APP: variants seen among roughly 807,000 people sequenced by gnomAD.
APP encodes the protein amyloid beta precursor protein.
A neutral mutation model predicts 101.4 loss-of-function variants in APP; 31 were observed. The ratio of observed to expected loss-of-function variants is 0.31; its 90% CI spans 0.23 to 0.41. The LOEUF (loss-of-function observed/expected upper bound fraction) is 0.41, where lower values mean the gene tolerates loss of function less well. Among genes scored for constraint, APP ranks in the 10% least tolerant of loss-of-function variants. The pLI is 1.00. For missense variants in APP, 839 were observed against 1,003.7 expected, an observed-to-expected ratio of 0.84 and a Z score of 2.22; for synonymous variants, 366 against 364.4, an observed-to-expected ratio of 1.00 and a Z score of -0.05.
intron 6 of APP, among the ~76,000 whole-genome samples, chr21:26,010,385 C>T (rs2043738617): frequency 6.6e-6 from 1 of 152,110 alleles, no homozygotes; most frequent in Admixed American, 6.5e-5. Context: ...TTGCTTTTAC[C>T]TTACTAAATG....
At chr21:26,161,476 G>C (rs2063490920) in intron 1 of APP, among the ~76,000 whole-genome samples, 1 of 151,952 alleles carries the variant, frequency 6.6e-6, no homozygotes, top group Non-Finnish European at 1.5e-5. Context: ...ACCCTCTTGG[G>C]GGCAAGGACC....
At chr21:25,982,633 C>T (rs900188238) in intron 8 of APP, among the ~76,000 whole-genome samples, 156 bp from the exon 9 acceptor site, 1 of 152,134 alleles carries the variant, frequency 6.6e-6, no homozygotes, top group Non-Finnish European at 1.5e-5. Flanking sequence ...TAAGAGAACA[C>T]CATGAGACAC....
intron 13 of APP, among the ~76,000 whole-genome samples, chr21:25,948,124 A>G (rs749634143): frequency 3.2e-4 from 49 of 151,404 alleles, no homozygotes; most frequent in Non-Finnish European, 6.5e-4. Context: ...CTATGTTCTT[A>G]TAAGAACAAA....
intron 3 of APP, among the ~76,000 whole-genome samples, chr21:26,084,455 A>C (rs1473045433): frequency 6.6e-6 from 1 of 152,076 alleles, no homozygotes; most frequent in Non-Finnish European, 1.5e-5. Flanking sequence ...TAGCCAAGAC[A>C]GTCTCAATCT....
intron 17 of APP, among the ~76,000 whole-genome samples, chr21:25,882,583 C>T (rs1268467553): frequency 6.6e-6 from 1 of 151,774 alleles, no homozygotes; most frequent in Middle Eastern, 3.2e-3. Context: ...TTACTGTCTG[C>T]AGGTTGGGCA....
At chr21:26,148,681 T>A (rs1291643120) in intron 1 of APP, among the ~76,000 whole-genome samples, 1 of 152,204 alleles carries the variant, frequency 6.6e-6, no homozygotes, top group Non-Finnish European at 1.5e-5. Context: ...GTGGCTGATA[T>A]GAACTCTAAG....
chr21:25,914,303 A>G (rs2039227767), intron 13 of APP, among the ~76,000 whole-genome samples: 1 of 151,858 alleles, frequency 6.6e-6, no homozygotes, highest in Non-Finnish European at 1.5e-5. Flanking sequence ...TAATTACGAT[A>G]GTCTCCTCAC....
In APP at chr21:25,927,600, G is replaced by A. The variant is rs45598434; in HGVS notation, c.1688-15638C>T. 2.1e-3 allele frequency among the ~76,000 whole-genome samples: 322 copies of A among 152,170 alleles called. 1 individual carries two copies. Among genetic ancestry groups the A allele is most frequent in the African/African-American group, 7.6e-3 (315 of 41,516 alleles). Reference sequence around the variant, plus strand: ...AAAACTCAGACTACATGTCTAAATCGGGGTTTATTTTTGTTTAAAAATAAC... The same window carrying A: ...AAAACTCAGACTACATGTCTAAATCAGGGTTTATTTTTGTTTAAAAATAAC... On this transcript the variant is annotated intron_variant, in intron 13 of 17. Transcript: ENST00000346798.
chr21:26,076,839 G>A (rs1307216851), intron 3 of APP, among the ~76,000 whole-genome samples: 1 of 152,054 alleles, frequency 6.6e-6, no homozygotes, highest in Non-Finnish European at 1.5e-5. Flanking sequence ...CGAGGTGGGC[G>A]GATCACGAGA....
intron 2 of APP, among the ~76,000 whole-genome samples, chr21:26,098,916 T>G (rs1181529620): frequency 6.6e-6 from 1 of 152,214 alleles, no homozygotes; most frequent in African/African-American, 2.4e-5. Context: ...GCATGTGTTT[T>G]GCCAGGATTG....
At chr21:25,914,549 C>CTTTTT (rs10647133) in intron 13 of APP, among the ~76,000 whole-genome samples, 29 of 114,792 alleles carry the variant, frequency 2.5e-4, no homozygotes, top group African/African-American at 1.0e-3. Context: ...CACAAGGCGC[C>CTTTTT]TTTTTTTTTT....
chr21:26,099,170 A>G (rs2062007646), intron 2 of APP, among the ~76,000 whole-genome samples: 1 of 150,352 alleles, frequency 6.7e-6, no homozygotes, highest in Non-Finnish European at 1.5e-5. Flanking sequence ...TGAAAAAGGA[A>G]AAAAAAAAAA....
At chr21:25,993,079 C>A (rs1477363985) in intron 8 of APP, among the ~76,000 whole-genome samples, 1 of 152,152 alleles carries the variant, frequency 6.6e-6, no homozygotes, top group African/African-American at 2.4e-5. Flanking sequence ...GAGTTTTCTA[C>A]GATTTGAAAA....
At chr21:25,929,808 T>C (rs1276535695) in intron 13 of APP, among the ~76,000 whole-genome samples, 1 of 152,218 alleles carries the variant, frequency 6.6e-6, no homozygotes, top group African/African-American at 2.4e-5. Flanking sequence ...AAAGTCATTC[T>C]GGTGCCTGTA....
intron 3 of APP, among the ~76,000 whole-genome samples, chr21:26,066,911 T>A (rs1054176881): frequency 6.6e-6 from 1 of 152,102 alleles, no homozygotes; most frequent in Admixed American, 6.5e-5. Context: ...GCCAGAGAGG[T>A]GCACATAGGG....
chr21:25,906,903 C>T (rs774287568), intron 14 of APP, among the ~76,000 whole-genome samples: 1 of 152,102 alleles, frequency 6.6e-6, no homozygotes, highest in African/African-American at 2.4e-5. Context: ...ATATGCAACT[C>T]GGGGCAGTAA....
At chr21:26,012,512 A>G (rs917221133) in intron 6 of APP, among the ~76,000 whole-genome samples, 1 of 152,204 alleles carries the variant, frequency 6.6e-6, no homozygotes, top group African/African-American at 2.4e-5. Flanking sequence ...AATTTTCAGG[A>G]GGGCAAAATG....
intron 1 of APP, chr21:26,140,235 C>T (rs1319018649): frequency 2.6e-6 from 4 of 1,536,006 alleles, no homozygotes; most frequent in Non-Finnish European, 3.5e-6. Context: ...TTGTCAATTA[C>T]ATCAGCAACT....
At chr21:26,138,484 G>A (rs534599230) in intron 1 of APP, among the ~76,000 whole-genome samples, 2 of 149,400 alleles carry the variant, frequency 1.3e-5, no homozygotes, top group South Asian at 4.2e-4. Flanking sequence ...GAGCCCAGGA[G>A]TTCAACACTA....
Sources: gnomAD v4.1 joint callset for allele counts (sites outside exome capture counted in the v4.1 genomes callset) on GRCh38, gnomAD v4.1.1 for gene constraint, MANE v1.5 for transcripts, NCBI Gene and HGNC (gene_info 2026-07-23, HGNC 2026-07-21) for gene names.